PCMTD1: variants seen among roughly 807,000 people sequenced by gnomAD.
PCMTD1 encodes protein-L-isoaspartate O-methyltransferase domain-containing protein 1.
Under a neutral mutation model 37.6 loss-of-function variants are expected in PCMTD1, and 12 were observed. The ratio of observed to expected loss-of-function variants is 0.32; its 90% CI spans 0.20 to 0.52. PCMTD1 has a LOEUF of 0.52. Among genes scored for constraint, PCMTD1 ranks in the 20% least tolerant of loss-of-function variants. The pLI is 0.97. For missense variants in PCMTD1, 235 were observed against 421.3 expected, an observed-to-expected ratio of 0.56 and a Z score of 3.87; for synonymous variants, 117 against 135.8, an observed-to-expected ratio of 0.86 and a Z score of 0.96.
At chr8:51,856,722 A>C (rs942258327) in intron 2 of PCMTD1, among the ~76,000 whole-genome samples, 2 of 152,242 alleles carry the variant, frequency 1.3e-5, no homozygotes, top group African/African-American at 4.8e-5. Flanking sequence ...GAACCCTGAA[A>C]ATGTAATGCT....
intron 1 of PCMTD1, among the ~76,000 whole-genome samples, chr8:51,878,013 T>A (rs565974148): frequency 1.3e-5 from 2 of 152,298 alleles, no homozygotes; most frequent in Admixed American, 1.3e-4. Flanking sequence ...AACTAATGAA[T>A]CTAAGCAAAG....
chr8:51,847,210 A>T (rs1487912280), intron 2 of PCMTD1, among the ~76,000 whole-genome samples: 3 of 152,256 alleles, frequency 2.0e-5, no homozygotes, highest in African/African-American at 7.2e-5. Context: ...CCAAAAAATT[A>T]AACTTAGAAA....
chr8:51,843,923 G>A (rs138436292), intron 3 of PCMTD1, among the ~76,000 whole-genome samples: 1 of 152,162 alleles, frequency 6.6e-6, no homozygotes, highest in East Asian at 1.9e-4. Context: ...GCTTAAAATA[G>A]ACCTTAAAAA....
chr8:51,882,960 T>C (rs2038813128), intron 1 of PCMTD1, among the ~76,000 whole-genome samples: 2 of 124,086 alleles, frequency 1.6e-5, no homozygotes, highest in Admixed American at 1.9e-4. Context: ...ACTCCGTCTT[T>C]ACTAAAAATA....
chr8:51,823,444 A>G (rs1478214658), intron 5 of PCMTD1, among the ~76,000 whole-genome samples: 1 of 152,198 alleles, frequency 6.6e-6, no homozygotes, highest in African/African-American at 2.4e-5. Flanking sequence ...CAGCCTGGGC[A>G]ATAGAGTGAG....
At chr8:51,839,439 T>G (rs770344228) in intron 3 of PCMTD1, 8 of 985,000 alleles carry the variant, frequency 8.1e-6, no homozygotes, top group Non-Finnish European at 9.6e-6. Flanking sequence ...AGGATTCTAA[T>G]CACTTACCTT....
At chr8:51,885,628 T>C (rs80340160) in intron 1 of PCMTD1, among the ~76,000 whole-genome samples, 17,890 of 152,202 alleles carry the variant, frequency 0.12, 1,284 homozygotes, top group East Asian at 0.17. Context: ...TTAAATTTCA[T>C]GTAGGCATAG....
chr8:51,845,122 T>C (rs2129280654), intron 3 of PCMTD1: 1 of 152,482 alleles, frequency 6.6e-6, no homozygotes, highest in Non-Finnish European at 1.5e-5. Flanking sequence ...GTGCAATGTT[T>C]CTTCTAAGAG....
intron 5 of PCMTD1, among the ~76,000 whole-genome samples, chr8:51,823,256 GA>G (rs1376449931): frequency 2.6e-5 from 4 of 152,198 alleles, no homozygotes; most frequent in Non-Finnish European, 5.9e-5. Context: ...TTGAGCCCAT[GA>G]TCTTGAGACC....
chr8:51,863,191 A>G (rs953481485), intron 1 of PCMTD1, among the ~76,000 whole-genome samples: 1 of 152,198 alleles, frequency 6.6e-6, no homozygotes, highest in Non-Finnish European at 1.5e-5. Flanking sequence ...TCATAAGAAT[A>G]ATTCTGACTA....
intron 1 of PCMTD1, among the ~76,000 whole-genome samples, chr8:51,884,101 G>C (rs1339728293): frequency 6.6e-6 from 1 of 152,160 alleles, no homozygotes; most frequent in Non-Finnish European, 1.5e-5. Context: ...CATTTTCTGA[G>C]ATAAAATGCC....
intron 1 of PCMTD1, among the ~76,000 whole-genome samples, chr8:51,895,683 A>G (rs2038989291): frequency 6.6e-6 from 1 of 152,124 alleles, no homozygotes; most frequent in Non-Finnish European, 1.5e-5. Context: ...AAAAAATCTT[A>G]CCATATTCTA....
intron 3 of PCMTD1, among the ~76,000 whole-genome samples, chr8:51,842,883 C>T (rs1352151010): frequency 6.6e-6 from 1 of 152,086 alleles, no homozygotes; most frequent in Non-Finnish European, 1.5e-5. Flanking sequence ...CTCCATTACA[C>T]ATAATCAACG....
intron 1 of PCMTD1, among the ~76,000 whole-genome samples, chr8:51,869,078 T>TA (rs34329463): frequency 0.51 from 77,092 of 151,978 alleles, 23,652 homozygotes; most frequent in Non-Finnish European, 0.68. Context: ...CCCCCAATGT[T>TA]AGACTATGAA....
chr8:51,838,857 A>C (rs2129278239), intron 3 of PCMTD1, among the ~76,000 whole-genome samples: 1 of 152,324 alleles, frequency 6.6e-6, no homozygotes, highest in East Asian at 1.9e-4. Flanking sequence ...CACATAGGTT[A>C]AAAATGGTGA....
At position 51,863,821 on chromosome 8, in the gene PCMTD1, G is replaced by A. The variant is rs557341820; in HGVS notation, c.-95-2575C>T. Among the ~76,000 whole-genome samples, 4 of 152,154 alleles carry A rather than the reference G, an allele frequency of 2.6e-5. No homozygotes were observed. The South Asian group carries it at 8.3e-4, about 32-fold the overall frequency. On this transcript the variant is annotated intron_variant, in intron 1 of 5. Coordinates refer to ENST00000522514, the MANE Select transcript of PCMTD1 (RefSeq NM_052937.4). ...ACACAGCTGTAGTCCCAGCTACTCGGGAAGCTGAGCCAGGAGAACTGCTTG... is the reference window on the plus strand; with the variant it reads ...ACACAGCTGTAGTCCCAGCTACTCGAGAAGCTGAGCCAGGAGAACTGCTTG...
chr8:51,860,775 C>A, intron 2 of PCMTD1, 70 bp downstream of exon 2: 1 of 1,293,450 alleles, frequency 7.7e-7, no homozygotes, highest in Non-Finnish European at 1.0e-6. Flanking sequence ...AGTTACAACT[C>A]CTATAAATCA....
intron 5 of PCMTD1, among the ~76,000 whole-genome samples, chr8:51,827,772 T>A (rs2037941742): frequency 6.6e-6 from 1 of 152,302 alleles, no homozygotes; most frequent in East Asian, 1.9e-4. Context: ...TACAGATATA[T>A]CATTTAGTCT....
At position 51,899,023 on chromosome 8, in the gene PCMTD1, C is replaced by A. The variant is rs1399604677; in HGVS notation, c.-189G>T. The A allele has an allele frequency of 1.3e-6, 2 of 1,512,130 alleles. No individual in the cohort carries two copies. The highest frequency in any genetic ancestry group is 1.8e-6 in the Non-Finnish European group (2 of 1,137,154). The allele number at this position is 1,512,130 out of a possible 1,614,324, so 93.7% of individuals were successfully genotyped here. A position where few individuals can be genotyped will look rare whatever the true frequency, so the allele number is the denominator to read the frequency against. ...GCTACCACCACAATAACAACACGGACGCCACCGCCGAGTGGAGAGGCGGGG... is the reference window on the plus strand; with the variant it reads ...GCTACCACCACAATAACAACACGGAAGCCACCGCCGAGTGGAGAGGCGGGG... On this transcript the variant is annotated 5_prime_UTR_variant, in exon 1 of 6. Transcript: ENST00000522514.
Sources: allele counts gnomAD v4.1 joint callset (sites outside exome capture counted in the v4.1 genomes callset), GRCh38; gene constraint gnomAD v4.1.1; transcripts MANE v1.5; gene names NCBI Gene and HGNC (gene_info 2026-07-23, HGNC 2026-07-21).